ASB1: variants seen among roughly 807,000 people sequenced by gnomAD.
ASB1 encodes ankyrin repeat and SOCS box containing 1.
In ASB1, 18 loss-of-function variants were observed where a neutral mutation model predicts 27.7. That is an observed-to-expected ratio of 0.65 (90% CI 0.45 to 0.96). The LOEUF (loss-of-function observed/expected upper bound fraction) is 0.96, where lower values mean the gene tolerates loss of function less well. Among genes scored for constraint, ASB1 ranks in the 50% least tolerant of loss-of-function variants. ASB1 has a pLI of 0.00. For synonymous variants in ASB1, 189 were observed against 187.6 expected (o/e 1.01, Z -0.06); for missense variants, 397 against 451.7 (o/e 0.88, Z 1.10).
chr2:238,428,105 A>G (rs1016780344), intron 1 of ASB1, among the ~76,000 whole-genome samples: 2 of 152,264 alleles, frequency 1.3e-5, no homozygotes, highest in South Asian at 2.1e-4. Context: ...AGCATCTACC[A>G]TCCTGGGCTT....
chr2:238,433,612 T>A lies in ASB1; in HGVS notation c.108T>A (p.Cys36Ter), dbSNP rs1375730014. The A allele has an allele frequency of 6.2e-7, 1 of 1,613,958 alleles. No homozygotes were observed. The highest frequency in any genetic ancestry group is 8.5e-7 in the Non-Finnish European group (1 of 1,180,008). ...TTTGTGATCATCCGCTGGAGCACTG[T>A]GAGGACACGAGGCTCCATGATGCAG... ...EQFCDHPLEH[C>*]EDTRLHDAAY... is the part of the protein sequence containing the mutation. Residue 36 changes from cysteine (C) to a stop codon, truncating the protein, a stop_gained, in exon 2 of 5, where the codon TGT becomes TGA. Transcript: ENST00000264607. LOFTEE classifies it high-confidence loss of function.
At chr2:238,429,588 GGTTTCCCA>G (rs1701827325) in intron 1 of ASB1, among the ~76,000 whole-genome samples, 1 of 152,034 alleles carries the variant, frequency 6.6e-6, no homozygotes, top group African/African-American at 2.4e-5. Flanking sequence ...TGAAATTTTT[GGTTTCCCA>G]GTGCATATAT....
rs1468577130 is a variant in ASB1, at chr2:238,446,919, A to G, written c.*408A>G. ...TTCGATTAAAGCCTTCTAGTATCTC[A>G]ATGAAAAGGGAGTTTCGTAAGCAAA... On this transcript the variant is annotated 3_prime_UTR_variant, in exon 5 of 5. Transcript: ENST00000264607. 1 of 182,480 alleles carries G rather than the reference A, an allele frequency of 5.5e-6. No individual in the cohort carries two copies. Among genetic ancestry groups the G allele is most frequent in the African/African-American group, 2.4e-5 (1 of 41,736 alleles). The allele number at this position is 182,480 out of a possible 1,614,324, so 11.3% of individuals were successfully genotyped here.
chr2:238,438,195 CT>C (rs1199123184), intron 3 of ASB1, among the ~76,000 whole-genome samples: 6 of 57,138 alleles, frequency 1.1e-4, no homozygotes, highest in Non-Finnish European at 2.0e-4. Flanking sequence ...TACAGATGCC[CT>C]TCATTTTTTT....
rs115532034 is a variant in ASB1 at position 238,446,178 on chromosome 2, A to T, written c.881-206A>T. Among the ~76,000 whole-genome samples the T allele has an allele frequency of 5.4e-3, 826 of 152,350 alleles. 7 individuals are homozygous for T. The highest frequency in any genetic ancestry group is 0.019 in the African/African-American group (796 of 41,576). The stretch of plus-strand genomic sequence containing the variant: ...AAGGTTTCGCTCTTTCCTGCGACAG[A>T]AGGAGCAGATAAGAAGACCTTCCTC... On this transcript the variant is annotated intron_variant, in intron 4 of 4. Transcript: ENST00000264607.
At chr2:238,433,924 T>G (rs1041407986) in intron 2 of ASB1, among the ~76,000 whole-genome samples, 1 of 152,160 alleles carries the variant, frequency 6.6e-6, no homozygotes, top group African/African-American at 2.4e-5. Context: ...GCCATTAACC[T>G]TAGTGTTTTC....
chr2:238,446,983 GT>G lies in ASB1; in HGVS notation c.*477del, dbSNP rs149485886. The G allele has an allele frequency of 3.1e-3, 526 of 171,846 alleles. 2 individuals are homozygous for G. Among genetic ancestry groups the G allele is most frequent in the African/African-American group, 0.012 (493 of 41,638 alleles). 10.6% of individuals were successfully genotyped at this position (171,846 alleles called of 1,614,324 possible). On this transcript the variant is annotated 3_prime_UTR_variant, in exon 5 of 5. Coordinates refer to ENST00000264607, the MANE Select transcript of ASB1 (RefSeq NM_001040445.3). ...ATGCAGTTCATGAACTTGCTGGTTGGTTTTTCCTGCTCCTGGGGTAACACAT... is the reference window on the plus strand; with the variant it reads ...ATGCAGTTCATGAACTTGCTGGTTGGTTTTCCTGCTCCTGGGGTAACACAT...
intron 4 of ASB1, 42 bp from the exon 5 acceptor site, chr2:238,446,342 T>C: frequency 1.3e-6 from 2 of 1,546,650 alleles, no homozygotes; most frequent in South Asian, 2.6e-5. Flanking sequence ...TGGAATAGAA[T>C]GAACCTTCCT....
At chr2:238,428,152 A>G (rs1450585680) in intron 1 of ASB1, among the ~76,000 whole-genome samples, 1 of 152,212 alleles carries the variant, frequency 6.6e-6, no homozygotes, top group Non-Finnish European at 1.5e-5. Flanking sequence ...GACAGCCAGG[A>G]CCTTAGGGTC....
intron 4 of ASB1, among the ~76,000 whole-genome samples, chr2:238,445,908 G>A (rs1322516674): frequency 2.6e-5 from 4 of 152,204 alleles, no homozygotes; most frequent in African/African-American, 2.4e-5. Flanking sequence ...ACAGAACTTG[G>A]CTGCGCTCTT....
intron 4 of ASB1, 68 bp from the exon 5 acceptor site, chr2:238,446,316 C>G: frequency 6.6e-7 from 1 of 1,513,680 alleles, no homozygotes; most frequent in Non-Finnish European, 8.8e-7. Context: ...TCCCAGCTGC[C>G]TTTTCTCTCT....
intron 1 of ASB1, among the ~76,000 whole-genome samples, chr2:238,428,659 G>A (rs571192506): frequency 6.6e-6 from 1 of 152,196 alleles, no homozygotes; most frequent in South Asian, 2.1e-4. Flanking sequence ...TCGGCCTCGG[G>A]TAGAGGGGCA....
rs1165349719 is a variant in ASB1 at position 238,450,682 on chromosome 2, G to A, written c.*4171G>A. 2 of 152,176 alleles carry A rather than the reference G, an allele frequency of 1.3e-5. No homozygotes were observed. Among genetic ancestry groups the A allele is most frequent in the African/African-American group, 2.4e-5 (1 of 41,414 alleles). The allele number at this position is 152,176 out of a possible 1,614,324, so 9.4% of individuals were successfully genotyped here. A position where few individuals can be genotyped will look rare whatever the true frequency, so the allele number is the denominator to read the frequency against. On this transcript the variant is annotated 3_prime_UTR_variant, in exon 5 of 5. Transcript: ENST00000264607. ...GCGGTTTTAGGAAGTGCCAACACCC[G>A]TGGTGATGGGCCTCTGGCCACCCCT...
chr2:238,440,044 A>C (rs1420400270), intron 3 of ASB1, among the ~76,000 whole-genome samples: 1 of 152,186 alleles, frequency 6.6e-6, no homozygotes, highest in African/African-American at 2.4e-5. Flanking sequence ...CAGTTTGTCT[A>C]CTGAGAGCTG....
chr2:238,431,753 T>A, intron 1 of ASB1, among the ~76,000 whole-genome samples: 1 of 151,560 alleles, frequency 6.6e-6, no homozygotes, highest in East Asian at 1.9e-4. Flanking sequence ...GAGGAGAGAG[T>A]GGGAGCAGCT....
intron 1 of ASB1, among the ~76,000 whole-genome samples, chr2:238,428,505 C>T (rs1019421048): frequency 6.6e-6 from 1 of 152,156 alleles, no homozygotes; most frequent in African/African-American, 2.4e-5. Context: ...GCATATTGGC[C>T]AGGCTGATAG....
chr2:238,445,728 T>C (rs1441191496), intron 4 of ASB1, among the ~76,000 whole-genome samples: 1 of 152,228 alleles, frequency 6.6e-6, no homozygotes, highest in Non-Finnish European at 1.5e-5. Flanking sequence ...CAAAGGACTT[T>C]AAATTCATTG....
chr2:238,428,149 A>G (rs912048617), intron 1 of ASB1, among the ~76,000 whole-genome samples: 2 of 152,264 alleles, frequency 1.3e-5, no homozygotes, highest in African/African-American at 4.8e-5. Flanking sequence ...AGAGACAGCC[A>G]GGACCTTAGG....
chr2:238,427,606 C>T (rs529109449), intron 1 of ASB1: 1 of 154,034 alleles, frequency 6.5e-6, no homozygotes, highest in African/African-American at 2.4e-5. Context: ...ACGGGGACGC[C>T]GTCTCCAGCG....
Sources: gnomAD v4.1 joint callset for allele counts (sites outside exome capture counted in the v4.1 genomes callset) on GRCh38, gnomAD v4.1.1 for gene constraint, MANE v1.5 for transcripts, NCBI Gene and HGNC (gene_info 2026-07-23, HGNC 2026-07-21) for gene names.